Variants in PCDH9 observed in about 807,000 individuals in gnomAD.
The protein encoded by PCDH9 is protocadherin-9.
A neutral mutation model predicts 70.6 loss-of-function variants in PCDH9; 24 were observed. The ratio of observed to expected loss-of-function variants is 0.34; its 90% CI spans 0.25 to 0.48. The LOEUF is 0.48. Ranked by LOEUF, PCDH9 falls within the 20% of genes least tolerant of loss-of-function variation. PCDH9 has a pLI of 0.99. For synonymous variants in PCDH9, 562 were observed against 558.5 expected, an observed-to-expected ratio of 1.01 and a Z score of -0.09; for missense variants, 1,281 against 1,503.6, an observed-to-expected ratio of 0.85 and a Z score of 2.45.
chr13:66,573,766 TTTTTTTGG>T (rs2076771574), intron 4 of PCDH9, among the ~76,000 whole-genome samples: 2 of 151,728 alleles, frequency 1.3e-5, no homozygotes, highest in Admixed American at 6.6e-5. Flanking sequence ...TGTTTGTTTG[TTTTTTTGG>T]TGCCAAATCA....
At chr13:66,404,769 T>C (rs1957251021) in intron 4 of PCDH9, among the ~76,000 whole-genome samples, 1 of 152,084 alleles carries the variant, frequency 6.6e-6, no homozygotes, top group Non-Finnish European at 1.5e-5. Flanking sequence ...ACTCACATCT[T>C]TACCTTCATG....
At chr13:66,503,128 T>C (rs1361276011) in intron 4 of PCDH9, among the ~76,000 whole-genome samples, 1 of 152,238 alleles carries the variant, frequency 6.6e-6, no homozygotes, top group Non-Finnish European at 1.5e-5. Context: ...AACATGCTTA[T>C]TATCTACAAT....
chr13:66,726,163 C>T (rs1367108767), intron 3 of PCDH9, among the ~76,000 whole-genome samples: 1 of 152,062 alleles, frequency 6.6e-6, no homozygotes, highest in Admixed American at 6.6e-5. Context: ...GAGACATACA[C>T]ATTCCTACAT....
intron 4 of PCDH9, among the ~76,000 whole-genome samples, chr13:66,469,846 C>T (rs955913477): frequency 2.0e-5 from 3 of 152,120 alleles, no homozygotes; most frequent in African/African-American, 7.2e-5. Flanking sequence ...ATCCTTCTAT[C>T]ACGGACATTT....
At chr13:66,691,665 A>G (rs900702816) in intron 3 of PCDH9, among the ~76,000 whole-genome samples, 2 of 152,178 alleles carry the variant, frequency 1.3e-5, no homozygotes, top group Non-Finnish European at 2.9e-5. Context: ...CTTAATCATT[A>G]TAATCACCAT....
chr13:66,619,762 A>G (rs566836949), intron 4 of PCDH9, among the ~76,000 whole-genome samples: 48 of 140,136 alleles, frequency 3.4e-4, no homozygotes, highest in African/African-American at 1.2e-3. Context: ...TGTAGAGCTC[A>G]AATATCCCTG....
chr13:66,356,392 T>C (rs1956382788), intron 4 of PCDH9, among the ~76,000 whole-genome samples: 1 of 152,116 alleles, frequency 6.6e-6, no homozygotes, highest in South Asian at 2.1e-4. Context: ...ATATACTTTC[T>C]TTTCCAACAT....
chr13:66,989,144 A>G (rs2139793076), intron 2 of PCDH9, among the ~76,000 whole-genome samples: 1 of 152,108 alleles, frequency 6.6e-6, no homozygotes, highest in South Asian at 2.1e-4. Flanking sequence ...ATGGTGAATA[A>G]GTATTGGAAT....
chr13:67,037,868 A>T (rs147857963), intron 2 of PCDH9, among the ~76,000 whole-genome samples: 1 of 152,324 alleles, frequency 6.6e-6, no homozygotes, highest in East Asian at 1.9e-4. Context: ...CCGTATGGTA[A>T]AGAAGAAAGT....
At chr13:66,655,347 CTTTA>C (rs1428139121) in intron 3 of PCDH9, among the ~76,000 whole-genome samples, 2 of 151,918 alleles carry the variant, frequency 1.3e-5, no homozygotes, top group African/African-American at 4.8e-5. Flanking sequence ...TCCAGCATTT[CTTTA>C]TTCTCACATG....
intron 3 of PCDH9, among the ~76,000 whole-genome samples, chr13:66,815,607 C>T (rs1009462665): frequency 7.9e-5 from 12 of 152,054 alleles, no homozygotes; most frequent in African/African-American, 2.7e-4. Flanking sequence ...AGAACAAGAC[C>T]GTGTCCTTTG....
intron 4 of PCDH9, among the ~76,000 whole-genome samples, chr13:66,502,227 T>C (rs575270267): frequency 4.6e-5 from 7 of 152,258 alleles, no homozygotes; most frequent in Non-Finnish European, 1.0e-4. Context: ...TTCTTTTGAG[T>C]ACAACTTCAT....
At chr13:66,500,348 C>T (rs73511767) in intron 4 of PCDH9, among the ~76,000 whole-genome samples, 8,814 of 152,150 alleles carry the variant, frequency 0.058, 313 homozygotes, top group South Asian at 0.15. Flanking sequence ...CAGCATTATT[C>T]CCAATAGCCA....
intron 4 of PCDH9, among the ~76,000 whole-genome samples, chr13:66,582,145 T>C (rs2076900935): frequency 6.6e-6 from 1 of 152,122 alleles, no homozygotes; most frequent in South Asian, 2.1e-4. Context: ...AGAAATTGCA[T>C]TCTGTTCTCT....
At chr13:66,487,424 C>T (rs965803025) in intron 4 of PCDH9, among the ~76,000 whole-genome samples, 1 of 152,110 alleles carries the variant, frequency 6.6e-6, no homozygotes, top group Non-Finnish European at 1.5e-5. Context: ...AAACTACATA[C>T]ATGGCCATCA....
intron 4 of PCDH9, among the ~76,000 whole-genome samples, chr13:66,358,415 C>T (rs570010349): frequency 3.3e-5 from 5 of 152,014 alleles, no homozygotes; most frequent in Admixed American, 6.6e-5. Context: ...GAAAAAATCT[C>T]GCTATATGAG....
chr13:67,197,732 T>G (rs569562538), intron 2 of PCDH9, among the ~76,000 whole-genome samples: 72 of 152,098 alleles, frequency 4.7e-4, no homozygotes, highest in South Asian at 1.9e-3. Context: ...TTCTGTTATA[T>G]CGATAACCAT....
At chr13:66,600,616 A>G (rs1463891932) in intron 4 of PCDH9, among the ~76,000 whole-genome samples, 1 of 151,764 alleles carries the variant, frequency 6.6e-6, no homozygotes, top group Admixed American at 6.6e-5. Flanking sequence ...GAAGTATTAT[A>G]TTGTCATATC....
At chr13:66,577,768 A>G (rs1404327228) in intron 4 of PCDH9, among the ~76,000 whole-genome samples, 1 of 151,982 alleles carries the variant, frequency 6.6e-6, no homozygotes. Flanking sequence ...GGGTTTTCAG[A>G]GTTATGGATT....
Sources: gnomAD v4.1 joint callset for allele counts (sites outside exome capture counted in the v4.1 genomes callset) on GRCh38, gnomAD v4.1.1 for gene constraint, MANE v1.5 for transcripts, NCBI Gene and HGNC (gene_info 2026-07-23, HGNC 2026-07-21) for gene names.